Variants in CABYR observed in about 807,000 individuals in gnomAD.
CABYR encodes calcium-binding tyrosine phosphorylation-regulated protein.
CABYR carries 31 observed loss-of-function variants against 36.1 expected under a neutral mutation model. That is an observed-to-expected ratio of 0.86 (90% CI 0.64 to 1.16). The LOEUF is 1.16. Among genes scored for constraint, CABYR ranks in the 50% most tolerant of loss-of-function variants. The pLI is 0.00. For missense variants in CABYR, 429 were observed against 455.8 expected (o/e 0.94, Z 0.53); for synonymous variants, 146 against 160.7 (o/e 0.91, Z 0.69).
At position 24,159,927 on chromosome 18, in the gene CABYR, T is replaced by C; in HGVS notation, c.997T>C (p.Ser333Pro). ...VPRPKSPVFL[S>P]VAFPVEDVAK... is the part of the protein sequence containing the mutation. ...CAGGCCAAAAAGCCCTGTTTTCCTTTCTGTTGCTTTCCCAGTAGAAGATGT... is the reference window on the plus strand; with the variant it reads ...CAGGCCAAAAAGCCCTGTTTTCCTTCCTGTTGCTTTCCCAGTAGAAGATGT... The change falls in exon 5 of 6, where the codon TCT becomes CCT. Residue 333 changes from serine to proline, a missense_variant. Transcript: ENST00000399496. 1.2e-6 allele frequency: 2 copies of C among 1,614,144 alleles called. No homozygotes were observed. The highest frequency in any genetic ancestry group is 1.7e-6 in the Non-Finnish European group (2 of 1,180,026).
intron 3 of CABYR, among the ~76,000 whole-genome samples, chr18:24,147,611 ATATGGGACACAGCCCAGATGTT>A (rs1208656350): frequency 6.6e-6 from 1 of 152,166 alleles, no homozygotes. Context: ...AGGAGAGGGT[ATATGGGACACAGCCCAGATGTT>A]TATGGGCAGA....
At chr18:24,152,560 T>C (rs1303885506) in intron 3 of CABYR, 4 of 152,218 alleles carry the variant, frequency 2.6e-5, no homozygotes, top group Non-Finnish European at 5.9e-5. Context: ...TTATAAGGGA[T>C]GTTTTTGTTT....
intron 1 of CABYR, among the ~76,000 whole-genome samples, chr18:24,141,498 A>G (rs565082534): frequency 6.6e-6 from 1 of 152,304 alleles, no homozygotes; most frequent in Admixed American, 6.5e-5. Flanking sequence ...TTTCACCTCA[A>G]GAAACCTGAA....
intron 3 of CABYR, among the ~76,000 whole-genome samples, chr18:24,151,362 T>TAAGTA (rs1231326976): frequency 6.6e-6 from 1 of 152,222 alleles, no homozygotes; most frequent in Non-Finnish European, 1.5e-5. Flanking sequence ...TTTGTCAGCT[T>TAAGTA]AAGTAGAACC....
rs147315468 is a variant in CABYR at position 24,156,395 on chromosome 18, C to T, written c.541+353C>T. ...CTGTTCATATATCATCTGTCTATAACGATGTGCCTGTGACTGAAGGAGTTG... is the reference window on the plus strand; with the variant it reads ...CTGTTCATATATCATCTGTCTATAATGATGTGCCTGTGACTGAAGGAGTTG... On this transcript the variant is annotated intron_variant, in intron 4 of 5. Coordinates refer to ENST00000399496, the MANE Select transcript of CABYR (RefSeq NM_153769.3). The T allele has an allele frequency of 9.0e-5, 145 of 1,614,148 alleles. 1 individual carries two copies. The highest frequency in any genetic ancestry group is 4.9e-4 in the Middle Eastern group (3 of 6,062).
intron 5 of CABYR, 124 bp downstream of exon 5, chr18:24,160,193 C>G: frequency 1.4e-6 from 1 of 728,084 alleles, no homozygotes; most frequent in Non-Finnish European, 2.3e-6. Context: ...GGGGTATACT[C>G]TAACTTCCTG....
intron 3 of CABYR, among the ~76,000 whole-genome samples, chr18:24,145,142 C>G (rs892526391): frequency 1.3e-5 from 2 of 152,178 alleles, no homozygotes; most frequent in Admixed American, 6.5e-5. Context: ...CTTTTTCTAC[C>G]TTTTAAATCC....
chr18:24,158,832 CCT>C (rs2085867908), intron 4 of CABYR, among the ~76,000 whole-genome samples: 1 of 152,148 alleles, frequency 6.6e-6, no homozygotes. Context: ...CACTCCTAAA[CCT>C]CTTTTTCTCA....
chr18:24,140,800 C>G (rs2085301886), intron 1 of CABYR, among the ~76,000 whole-genome samples: 1 of 149,046 alleles, frequency 6.7e-6, no homozygotes, highest in Admixed American at 6.9e-5. Flanking sequence ...GCAATGTTTT[C>G]CTTTCTGTGC....
chr18:24,159,802 T>C lies in CABYR; in HGVS notation c.872T>C (p.Val291Ala). 1 of 1,614,178 alleles carries C rather than the reference T, an allele frequency of 6.2e-7. No homozygotes were observed. The highest frequency in any genetic ancestry group is 1.1e-5 in the South Asian group (1 of 91,076). ...VVSQSDVLRY[V>A]AMQVPIAVPA... ...TCACAGTCAGATGTCTTGAGATATG[T>C]TGCAATGCAAGTGCCCATTGCTGTT... Residue 291 changes from valine to alanine, a missense_variant, in exon 5 of 6, where the codon GTT becomes GCT. Coordinates refer to ENST00000399496, the MANE Select transcript of CABYR (RefSeq NM_153769.3).
chr18:24,148,667 C>T (rs1042324375), intron 3 of CABYR: 1 of 152,870 alleles, frequency 6.5e-6, no homozygotes, highest in African/African-American at 2.4e-5. Flanking sequence ...TTCGGAGTTT[C>T]TTCCTTCTGG....
In CABYR at chr18:24,151,677, C is replaced by G. The variant is rs2085638186; in HGVS notation, c.200-4024C>G. Among the ~76,000 whole-genome samples the G allele has an allele frequency of 2.2e-5, 3 of 134,594 alleles. No homozygotes were observed. In the South Asian group the frequency reaches 7.1e-4, roughly 32 times the overall value. The allele number at this position is 134,594 out of a possible 152,430, so 88.3% of individuals were successfully genotyped here. On this transcript the variant is annotated intron_variant, in intron 3 of 5. Transcript: ENST00000399496. ...TTCCAAACAAAGCCAAATGGTTGAT[C>G]TAGTGTTGGCTTTTTTTTTTTTTTT...
intron 3 of CABYR, among the ~76,000 whole-genome samples, chr18:24,147,994 A>T (rs980187980): frequency 6.6e-6 from 1 of 152,246 alleles, no homozygotes; most frequent in South Asian, 2.1e-4. Flanking sequence ...AGGATGTTTT[A>T]CATGTCCCCT....
chr18:24,156,906 A>T, intron 4 of CABYR: 1 of 1,614,136 alleles, frequency 6.2e-7, no homozygotes, highest in South Asian at 1.1e-5. Context: ...AAAGTCATCT[A>T]GTGGCCCCTT....
Position 24,155,944 on chromosome 18 carries a change from AGACT to A in CABYR, c.444_447del (p.Thr149LeufsTer31), listed in dbSNP as rs1568463845. ...CTTTCTTCCAAACCAGCCACCCCTA[AGACT>A]ACTACCCCACCCTCATCACCACCTC... On this transcript the variant is annotated frameshift_variant, in exon 4 of 6. Coordinates refer to ENST00000399496, the MANE Select transcript of CABYR (RefSeq NM_153769.3). LOFTEE classifies it high-confidence loss of function. 6.2e-7 allele frequency: 1 copy of A among 1,614,158 alleles called. No individual in the cohort carries two copies. Among genetic ancestry groups the A allele is most frequent in the Admixed American group, 1.7e-5 (1 of 60,010 alleles).
In CABYR at chr18:24,156,221, T is replaced by C. The variant is rs2085780931; in HGVS notation, c.541+179T>C. 4 of 1,614,164 alleles carry C rather than the reference T, an allele frequency of 2.5e-6. No individual in the cohort carries two copies. The South Asian group carries it at 4.4e-5, about 18-fold the overall frequency. On this transcript the variant is annotated intron_variant, in intron 4 of 5. Coordinates refer to ENST00000399496, the MANE Select transcript of CABYR (RefSeq NM_153769.3). The stretch of plus-strand genomic sequence containing the variant: ...AAGTGCAGGTTGTGAACCAAACATC[T>C]GTCCATGTAGATTTGGGTTCTCAAC...
chr18:24,161,367 A>G (rs1336340918), intron 5 of CABYR, 149 bp from the exon 6 acceptor site: 11 of 558,550 alleles, frequency 2.0e-5, no homozygotes, highest in South Asian at 2.8e-5. Context: ...AATTGCTGGG[A>G]TATTTCAGTG....
intron 4 of CABYR, chr18:24,156,444 CAAAT>C (rs778613306): frequency 1.2e-6 from 2 of 1,614,026 alleles, no homozygotes; most frequent in African/African-American, 1.3e-5. Context: ...ACTGCCAGAA[CAAAT>C]AGTTATCCCT....
chr18:24,142,768 A>C (rs2085355479), intron 1 of CABYR, among the ~76,000 whole-genome samples: 1 of 151,996 alleles, frequency 6.6e-6, no homozygotes, highest in Admixed American at 6.6e-5. Flanking sequence ...TAGTTAACTC[A>C]TAAGGACTAT....
Sources: allele counts gnomAD v4.1 joint callset (sites outside exome capture counted in the v4.1 genomes callset), GRCh38; gene constraint gnomAD v4.1.1; transcripts MANE v1.5; gene names NCBI Gene and HGNC (gene_info 2026-07-23, HGNC 2026-07-21).